ARMC2: variants seen among roughly 807,000 people sequenced by gnomAD.
The protein encoded by ARMC2 is armadillo repeat-containing protein 2.
ARMC2 carries 67 observed loss-of-function variants against 90.3 expected under a neutral mutation model. The ratio of observed to expected loss-of-function variants is 0.74; its 90% CI spans 0.61 to 0.91. The LOEUF (loss-of-function observed/expected upper bound fraction) is 0.91. Among genes scored for constraint, ARMC2 ranks in the 40% least tolerant of loss-of-function variants. ARMC2 has a pLI of 0.00. For missense variants in ARMC2, 920 were observed against 1,030.9 expected (o/e 0.89, Z 1.47); for synonymous variants, 393 against 393.0 (o/e 1.00, Z 0.00).
Position 108,868,892 on chromosome 6 carries a change from G to A in ARMC2, c.360G>A (p.Val120=). 2.5e-6 allele frequency: 4 copies of A among 1,613,920 alleles called. No homozygotes were observed. The highest frequency in any genetic ancestry group is 3.4e-6 in the Non-Finnish European group (4 of 1,179,874). The change falls in exon 4 of 18, where the codon GTG becomes GTA. Residue 120 remains valine (V), a synonymous_variant. Coordinates refer to ENST00000392644, the MANE Select transcript of ARMC2 (RefSeq NM_032131.6). ...GCTTTTCCTTTCCTAAGCCCCCAGT[G>A]GACCCTGCGAAGATTAGAAGAGTAA... is the stretch of plus-strand genomic sequence containing the variant. ...DSCFSFPKPP[V]DPAKIRRVSN...
At chr6:108,964,133 G>A in intron 15 of ARMC2, 47 bp from the exon 16 acceptor site, 1 of 1,585,808 alleles carries the variant, frequency 6.3e-7, no homozygotes, top group Non-Finnish European at 8.6e-7. Context: ...GAGACAGCTG[G>A]GAATCCTGAA....
At chr6:108,900,809 G>T (rs1254837364) in intron 7 of ARMC2, among the ~76,000 whole-genome samples, 1 of 152,116 alleles carries the variant, frequency 6.6e-6, no homozygotes, top group Non-Finnish European at 1.5e-5. Flanking sequence ...TCACCTGCCA[G>T]ATGAGGTGGA....
At chr6:108,909,186 A>C (rs1409463041) in intron 8 of ARMC2, among the ~76,000 whole-genome samples, 1 of 152,216 alleles carries the variant, frequency 6.6e-6, no homozygotes, top group African/African-American at 2.4e-5. Context: ...TATTCCTACA[A>C]ATACATTTTT....
the ARMC2 span, chr6:109,009,330 G>C: frequency 6.8e-7 from 1 of 1,461,946 alleles, no homozygotes; most frequent in African/African-American, 1.5e-5. Context: ...CAGGTACCCA[G>C]CGGCCCGCTC....
At chr6:108,926,459 T>C (rs1292897593) in intron 10 of ARMC2, among the ~76,000 whole-genome samples, 3 of 152,218 alleles carry the variant, frequency 2.0e-5, no homozygotes, top group Non-Finnish European at 4.4e-5. Context: ...GCGCAGTGGC[T>C]CACCCCTGTA....
At chr6:108,899,826 T>C (rs757216177) in intron 7 of ARMC2, 34 bp downstream of exon 7, 2 of 1,543,418 alleles carry the variant, frequency 1.3e-6, no homozygotes, top group African/African-American at 1.4e-5. Flanking sequence ...AAAACCGTTT[T>C]TGTTTTTTTT....
At chr6:108,912,630 A>G in intron 10 of ARMC2, 72 bp downstream of exon 10, 1 of 1,395,442 alleles carries the variant, frequency 7.2e-7, no homozygotes, top group South Asian at 1.3e-5. Context: ...GTTTTAAAAG[A>G]ATGGCATGCA....
chr6:108,955,757 C>G (rs1777533427), intron 13 of ARMC2, among the ~76,000 whole-genome samples: 1 of 152,242 alleles, frequency 6.6e-6, no homozygotes, highest in Non-Finnish European at 1.5e-5. Context: ...AATTCAGTTT[C>G]TGTTCCAACC....
Position 108,973,532 on chromosome 6 carries a change from G to C in ARMC2, c.*18G>C. On this transcript the variant is annotated 3_prime_UTR_variant, in exon 18 of 18. Coordinates refer to ENST00000392644, the MANE Select transcript of ARMC2 (RefSeq NM_032131.6). ...CTTTCTAACATGATGCAGATTAACA[G>C]TAGAAACGAGAACTCACGTCTCCCT... 1 of 1,589,108 alleles carries C rather than the reference G, an allele frequency of 6.3e-7. No individual in the cohort carries two copies. Among genetic ancestry groups the C allele is most frequent in the Non-Finnish European group, 8.6e-7 (1 of 1,165,038 alleles).
chr6:109,020,306 T>C, the ARMC2 span, among the ~76,000 whole-genome samples: 1 of 152,216 alleles, frequency 6.6e-6, no homozygotes, highest in African/African-American at 2.4e-5. Context: ...ATAGATTAGA[T>C]TTTAGTATTG....
In ARMC2 at chr6:108,953,324, A is replaced by G. The variant is rs113651966; in HGVS notation, c.1888A>G (p.Ile630Val). 5.5e-3 allele frequency: 8,886 copies of G among 1,607,698 alleles called. 419 individuals are homozygous for G. In the African/African-American group the frequency reaches 0.1, roughly 19 times the overall value. Residue 630 changes from isoleucine to valine, a missense_variant, in exon 13 of 18, where the codon ATA becomes GTA. Ile to Val is a conservative substitution (Grantham distance 29). Transcript: ENST00000392644. Reference protein sequence around the residue: ...VGPVLAANPGIVGLLLTTLEY... With the variant: ...VGPVLAANPGVVGLLLTTLEY... ...CCCGGTGCTGGCCGCCAACCCGGGG[A>G]TAGTGGGCCTGCTCCTGACCACGCT...
chr6:108,933,656 T>G (rs2128490720), intron 11 of ARMC2, among the ~76,000 whole-genome samples: 1 of 152,306 alleles, frequency 6.6e-6, no homozygotes, highest in South Asian at 2.1e-4. Flanking sequence ...ATGTCCTTTA[T>G]TTCATCCTCT....
the ARMC2 span, among the ~76,000 whole-genome samples, chr6:108,982,860 G>T: frequency 7.0e-6 from 1 of 142,124 alleles, no homozygotes; most frequent in East Asian, 2.0e-4. Flanking sequence ...TCACCATGCT[G>T]GAGTGCATGG....
the ARMC2 span, among the ~76,000 whole-genome samples, chr6:109,027,476 CAAAAAA>C: frequency 1.8e-4 from 5 of 27,326 alleles, no homozygotes; most frequent in Admixed American, 1.5e-3. Flanking sequence ...GACTCTGTCT[CAAAAAA>C]AAAAAAAAAA....
chr6:109,014,274 T>G, the ARMC2 span, among the ~76,000 whole-genome samples: 1 of 152,244 alleles, frequency 6.6e-6, no homozygotes, highest in Non-Finnish European at 1.5e-5. Context: ...TTTTCTAGGC[T>G]GATAATAATA....
At chr6:108,925,839 C>T (rs1015466654) in intron 10 of ARMC2, among the ~76,000 whole-genome samples, 5 of 152,218 alleles carry the variant, frequency 3.3e-5, no homozygotes, top group Non-Finnish European at 7.3e-5. Context: ...TATTACTCAA[C>T]TGTGTGTATC....
At chr6:108,894,015 A>C (rs1774393162) in intron 5 of ARMC2, among the ~76,000 whole-genome samples, 1 of 152,172 alleles carries the variant, frequency 6.6e-6, no homozygotes, top group Non-Finnish European at 1.5e-5. Flanking sequence ...AAAACAAAAA[A>C]AACCCACATA....
At chr6:108,929,212 T>G (rs1185805581) in intron 11 of ARMC2, among the ~76,000 whole-genome samples, 1 of 152,158 alleles carries the variant, frequency 6.6e-6, no homozygotes, top group African/African-American at 2.4e-5. Flanking sequence ...ACCTATCTAA[T>G]GCATTGTAGA....
At chr6:108,938,153 A>G (rs1776115421) in intron 12 of ARMC2, among the ~76,000 whole-genome samples, 1 of 152,242 alleles carries the variant, frequency 6.6e-6, no homozygotes, top group Non-Finnish European at 1.5e-5. Flanking sequence ...TAAATTTTCA[A>G]CATCCTATAG....
Sources: gnomAD v4.1 joint callset for allele counts (sites outside exome capture counted in the v4.1 genomes callset) on GRCh38, gnomAD v4.1.1 for gene constraint, MANE v1.5 for transcripts, NCBI Gene and HGNC (gene_info 2026-07-23, HGNC 2026-07-21) for gene names.